The following CSMD1 variants were observed in gnomAD, a reference collection of about 807,000 sequenced individuals.
The protein encoded by CSMD1 is CUB and sushi domain-containing protein 1.
CSMD1 carries 213 observed loss-of-function variants against 417.5 expected under a neutral mutation model. The ratio of observed to expected loss-of-function variants is 0.51; its 90% CI spans 0.46 to 0.57. The LOEUF is 0.57. CSMD1 is among the 20% of genes least tolerant of loss of function. The pLI, the probability that CSMD1 is intolerant of heterozygous loss-of-function variation, is 0.00. For synonymous variants in CSMD1, 2,862 were observed against 1,736.8 expected (o/e 1.65, Z -16.11); for missense variants, 6,923 against 4,529.7 (o/e 1.53, Z -15.17).
At chr8:3,551,118 T>C (rs1585349045) in intron 10 of CSMD1, among the ~76,000 whole-genome samples, 1 of 152,172 alleles carries the variant, frequency 6.6e-6, no homozygotes, top group Admixed American at 6.5e-5. Flanking sequence ...CTTGACCTCT[T>C]TGTGATTCAG....
chr8:4,174,040 C>A (rs1385454962), intron 3 of CSMD1, among the ~76,000 whole-genome samples: 2 of 152,250 alleles, frequency 1.3e-5, no homozygotes, highest in Admixed American at 6.5e-5. Flanking sequence ...GCCCTGAGTT[C>A]ATTGGTTTAG....
At chr8:3,527,497 A>T (rs1585308065) in intron 10 of CSMD1, among the ~76,000 whole-genome samples, 1 of 152,158 alleles carries the variant, frequency 6.6e-6, no homozygotes, top group East Asian at 1.9e-4. Context: ...TTCCCAGGGG[A>T]GGTCTGCCTG....
At chr8:4,277,594 G>C (rs1796558744) in intron 3 of CSMD1, among the ~76,000 whole-genome samples, 1 of 152,088 alleles carries the variant, frequency 6.6e-6, no homozygotes, top group Non-Finnish European at 1.5e-5. Context: ...AAAACAGCAA[G>C]TTCACTATGA....
intron 3 of CSMD1, among the ~76,000 whole-genome samples, chr8:4,157,571 T>A (rs1258055722): frequency 1.3e-5 from 2 of 152,158 alleles, no homozygotes; most frequent in Non-Finnish European, 2.9e-5. Flanking sequence ...TCCCCCGTAT[T>A]GCTAAGACCC....
At chr8:4,106,281 G>A (rs916062189) in intron 3 of CSMD1, among the ~76,000 whole-genome samples, 8 of 152,220 alleles carry the variant, frequency 5.3e-5, no homozygotes, top group Non-Finnish European at 1.0e-4. Flanking sequence ...ATGTGTTTCT[G>A]TGGGTGGGAA....
At chr8:4,815,151 G>A (rs532118621) in intron 1 of CSMD1, among the ~76,000 whole-genome samples, 13 of 152,086 alleles carry the variant, frequency 8.5e-5, no homozygotes, top group Non-Finnish European at 1.2e-4. Flanking sequence ...GGAAGAGTTG[G>A]AACGTGTAAT....
At chr8:4,793,574 C>T (rs1450771160) in intron 1 of CSMD1, among the ~76,000 whole-genome samples, 1 of 151,888 alleles carries the variant, frequency 6.6e-6, no homozygotes, top group African/African-American at 2.4e-5. Flanking sequence ...TTTACTGATA[C>T]AAACTTTTTA....
At chr8:3,423,802 G>C (rs1813651131) in intron 12 of CSMD1, among the ~76,000 whole-genome samples, 1 of 152,144 alleles carries the variant, frequency 6.6e-6, no homozygotes, top group Non-Finnish European at 1.5e-5. Flanking sequence ...TTGGTGAATG[G>C]GTACTCCCTC....
chr8:4,381,469 A>C (rs1456424796), intron 3 of CSMD1, among the ~76,000 whole-genome samples: 1 of 152,170 alleles, frequency 6.6e-6, no homozygotes, highest in Non-Finnish European at 1.5e-5. Context: ...TGTGCTAAAG[A>C]TCATTGTCTT....
At chr8:4,313,215 C>A (rs544171571) in intron 3 of CSMD1, among the ~76,000 whole-genome samples, 1 of 151,974 alleles carries the variant, frequency 6.6e-6, no homozygotes, top group Admixed American at 6.6e-5. Context: ...ACAGGAAAAG[C>A]TTAACAACCC....
chr8:3,702,563 G>A (rs538750381), intron 7 of CSMD1, among the ~76,000 whole-genome samples: 3 of 152,348 alleles, frequency 2.0e-5, no homozygotes, highest in African/African-American at 7.2e-5. Flanking sequence ...AGGTGCGGTG[G>A]CTCATGCCTG....
chr8:4,137,169 C>T (rs1390271684), intron 3 of CSMD1, among the ~76,000 whole-genome samples: 2 of 152,184 alleles, frequency 1.3e-5, no homozygotes, highest in Admixed American at 1.3e-4. Flanking sequence ...TTATCCATTT[C>T]CTCCTACCTA....
intron 5 of CSMD1, among the ~76,000 whole-genome samples, chr8:3,972,977 G>T (rs1296863625): frequency 6.6e-6 from 1 of 152,166 alleles, no homozygotes; most frequent in Non-Finnish European, 1.5e-5. Flanking sequence ...TACTTATGTG[G>T]AAAAACATTT....
intron 23 of CSMD1, among the ~76,000 whole-genome samples, chr8:3,323,786 C>T (rs1806309329): frequency 7.3e-6 from 1 of 136,660 alleles, no homozygotes; most frequent in Admixed American, 8.1e-5. Flanking sequence ...AGGCCCACAT[C>T]CAACCCCAGA....
At chr8:4,582,664 T>C (rs1169790841) in intron 2 of CSMD1, among the ~76,000 whole-genome samples, 2 of 152,208 alleles carry the variant, frequency 1.3e-5, no homozygotes, top group Non-Finnish European at 2.9e-5. Context: ...GACAGCAGGC[T>C]GGCAGTCCTC....
At chr8:4,335,483 T>C (rs1800113337) in intron 3 of CSMD1, among the ~76,000 whole-genome samples, 1 of 152,122 alleles carries the variant, frequency 6.6e-6, no homozygotes, top group African/African-American at 2.4e-5. Context: ...GACTCCAGAA[T>C]ACAAATGTCC....
intron 1 of CSMD1, among the ~76,000 whole-genome samples, chr8:4,821,921 C>CA (rs1478774508): frequency 4.6e-5 from 7 of 151,992 alleles, no homozygotes; most frequent in African/African-American, 1.7e-4. Flanking sequence ...TGCTTGCCTG[C>CA]TTCAGGTATT....
At chr8:4,643,018 G>A (rs1803298706) in intron 1 of CSMD1, among the ~76,000 whole-genome samples, 1 of 152,156 alleles carries the variant, frequency 6.6e-6, no homozygotes, top group South Asian at 2.1e-4. Flanking sequence ...AAAGACTTGG[G>A]AATGTATAAT....
At chr8:4,814,624 T>C (rs769317583) in intron 1 of CSMD1, among the ~76,000 whole-genome samples, 1 of 152,182 alleles carries the variant, frequency 6.6e-6, no homozygotes, top group Non-Finnish European at 1.5e-5. Context: ...TTAGTATTGA[T>C]CAAGGGTCTT....
Sources: allele counts gnomAD v4.1 joint callset (sites outside exome capture counted in the v4.1 genomes callset), GRCh38; gene constraint gnomAD v4.1.1; transcripts MANE v1.5; gene names NCBI Gene and HGNC (gene_info 2026-07-23, HGNC 2026-07-21).